Variants in ZFAND3 observed in about 807,000 individuals in gnomAD.
The protein encoded by ZFAND3 is zinc finger AN1-type containing 3, also known as AN1-type zinc finger protein 3.
ZFAND3 carries 10 observed loss-of-function variants against 29.6 expected under a neutral mutation model. The ratio of observed to expected loss-of-function variants is 0.34; its 90% CI spans 0.21 to 0.57. The LOEUF is 0.57. ZFAND3 is among the 20% of genes least tolerant of loss of function. The pLI, the probability that ZFAND3 is intolerant of heterozygous loss-of-function variation, is 0.86. For synonymous variants in ZFAND3, 128 were observed against 112.6 expected, an observed-to-expected ratio of 1.14 and a Z score of -0.87; for missense variants, 230 against 304.5, an observed-to-expected ratio of 0.76 and a Z score of 1.82.
chr6:37,951,260 C>A (rs1761993166), intron 2 of ZFAND3, among the ~76,000 whole-genome samples: 1 of 152,016 alleles, frequency 6.6e-6, no homozygotes, highest in Non-Finnish European at 1.5e-5. Context: ...TTTATCAGAT[C>A]TAGGAGCTTT....
chr6:38,018,364 A>G (rs1290264677), intron 2 of ZFAND3, among the ~76,000 whole-genome samples: 1 of 152,220 alleles, frequency 6.6e-6, no homozygotes, highest in African/African-American at 2.4e-5. Flanking sequence ...TTATCAGGTA[A>G]CGTTTTCCTC....
At chr6:38,052,128 CTTG>C (rs2127460380) in intron 2 of ZFAND3, among the ~76,000 whole-genome samples, 1 of 152,242 alleles carries the variant, frequency 6.6e-6, no homozygotes, top group East Asian at 1.9e-4. Flanking sequence ...CATATATTCT[CTTG>C]TTGCCTGTTT....
chr6:37,914,128 A>G (rs930249771), intron 1 of ZFAND3, among the ~76,000 whole-genome samples: 2 of 152,190 alleles, frequency 1.3e-5, no homozygotes, highest in Admixed American at 6.5e-5. Flanking sequence ...GCAGGCATGA[A>G]AACAGCATTC....
At chr6:37,977,219 A>C (rs1243913815) in intron 2 of ZFAND3, among the ~76,000 whole-genome samples, 1 of 152,208 alleles carries the variant, frequency 6.6e-6, no homozygotes, top group African/African-American at 2.4e-5. Context: ...TCTGTCATCG[A>C]CTGAAATGTT....
At chr6:37,950,110 C>G (rs1330284589) in intron 2 of ZFAND3, among the ~76,000 whole-genome samples, 1 of 152,186 alleles carries the variant, frequency 6.6e-6, no homozygotes, top group Non-Finnish European at 1.5e-5. Context: ...GATGTGCAGT[C>G]TGTTGATAAT....
chr6:37,920,052 C>CTTTTTTTTTTTTTTTTTTTTTTTTT (rs11389241), intron 1 of ZFAND3, among the ~76,000 whole-genome samples: 2 of 93,410 alleles, frequency 2.1e-5, no homozygotes, highest in African/African-American at 3.9e-5. Flanking sequence ...TTTTTTGAAG[C>CTTTTTTTTTTTTTTTTTTTTTTTTT]TTTTTTTTTT....
chr6:37,963,935 C>T lies in ZFAND3; in HGVS notation c.112+33936C>T, dbSNP rs185255684. On this transcript the variant is annotated intron_variant, in intron 2 of 5. Transcript: ENST00000287218. ...TATTCCCAACATCTCAATTATGAGT[C>T]TGTTATTTTACAAATCCTACTTTTC... Among the ~76,000 whole-genome samples the T allele has an allele frequency of 2.0e-5, 3 of 152,294 alleles. No individual in the cohort carries two copies. The East Asian group carries it at 5.8e-4, about 29-fold the overall frequency.
chr6:37,987,668 G>A (rs184553422), intron 2 of ZFAND3, among the ~76,000 whole-genome samples: 1 of 152,274 alleles, frequency 6.6e-6, no homozygotes, highest in Non-Finnish European at 1.5e-5. Context: ...TGTAAGCACT[G>A]CTGTTCTGCC....
intron 3 of ZFAND3, among the ~76,000 whole-genome samples, chr6:38,073,999 A>G (rs1561989566): frequency 6.6e-6 from 1 of 152,136 alleles, no homozygotes; most frequent in African/African-American, 2.4e-5. Context: ...CACTTAGTAC[A>G]TCAGTTGGTT....
intron 2 of ZFAND3, among the ~76,000 whole-genome samples, chr6:38,026,460 T>G: frequency 7.8e-6 from 1 of 128,588 alleles, no homozygotes; most frequent in African/African-American, 3.0e-5. Context: ...GACAAGAGTC[T>G]CACTCTGTCA....
chr6:37,871,802 G>A (rs1268206081), intron 1 of ZFAND3, among the ~76,000 whole-genome samples: 1 of 152,234 alleles, frequency 6.6e-6, no homozygotes, highest in Non-Finnish European at 1.5e-5. Flanking sequence ...AGACATTGTG[G>A]ACAATTTATT....
intron 2 of ZFAND3, among the ~76,000 whole-genome samples, chr6:38,021,686 C>T (rs916851841): frequency 6.6e-6 from 1 of 152,178 alleles, no homozygotes; most frequent in Non-Finnish European, 1.5e-5. Context: ...AGAGTTAATA[C>T]TTTTCCTCTT....
Position 38,152,344 on chromosome 6 carries a change from G to C in ZFAND3, c.639G>C (p.Arg213=). Residue 213 remains arginine (R), a synonymous_variant, in exon 6 of 6, where the codon CGG becomes CGC. Coordinates refer to ENST00000287218, the MANE Select transcript of ZFAND3 (RefSeq NM_021943.3). ...EAIMKMVKLD[R]KVGRSCQRIG... is the part of the protein sequence containing the mutation. Reference sequence around the variant, plus strand: ...TCATGAAAATGGTGAAGCTGGACCGGAAAGTGGGGCGCTCCTGCCAGCGCA... The same window carrying C: ...TCATGAAAATGGTGAAGCTGGACCGCAAAGTGGGGCGCTCCTGCCAGCGCA... 2 of 1,609,812 alleles carry C rather than the reference G, an allele frequency of 1.2e-6. No individual in the cohort carries two copies. Among genetic ancestry groups the C allele is most frequent in the Non-Finnish European group, 1.7e-6 (2 of 1,178,228 alleles).
chr6:38,138,803 G>T (rs1765893775), intron 5 of ZFAND3, among the ~76,000 whole-genome samples: 1 of 152,178 alleles, frequency 6.6e-6, no homozygotes, highest in Non-Finnish European at 1.5e-5. Flanking sequence ...AACTAACAGA[G>T]GTCAAGAAGA....
Position 38,037,216 on chromosome 6 carries a change from T to A in ZFAND3, c.113-24377T>A, listed in dbSNP as rs56348433. ...TTGTAAGGTATAATGAATGGGTAAG[T>A]ACACACAACGTAACATAACAGGCCA... On this transcript the variant is annotated intron_variant, in intron 2 of 5. Transcript: ENST00000287218. 1.2e-3 allele frequency among the ~76,000 whole-genome samples: 186 copies of A among 152,290 alleles called. 1 individual carries two copies. The highest frequency in any genetic ancestry group is 2.9e-3 in the South Asian group (14 of 4,834).
chr6:38,144,211 A>ATATATATAATATATATATATAT (rs70981524), intron 5 of ZFAND3, among the ~76,000 whole-genome samples: 39 of 45,838 alleles, frequency 8.5e-4, no homozygotes, highest in African/African-American at 4.8e-3. Context: ...ATATATATAT[A>ATATATATAATATATATATATAT]ATATATAATA....
intron 1 of ZFAND3, among the ~76,000 whole-genome samples, chr6:37,845,447 G>C (rs1280011751): frequency 6.6e-6 from 1 of 152,078 alleles, no homozygotes; most frequent in African/African-American, 2.4e-5. Flanking sequence ...AATGAAATTT[G>C]GTTAGGGGAA....
rs143054984 is a variant in ZFAND3 at position 38,030,800 on chromosome 6, G to A, written c.113-30793G>A. The stretch of plus-strand genomic sequence containing the variant: ...AAAAAAAAAGAAAAAAACTTCATGG[G>A]GGTAAGGGGATGCCAGACAAAGTGG... On this transcript the variant is annotated intron_variant, in intron 2 of 5. Transcript: ENST00000287218. 5.7e-3 allele frequency among the ~76,000 whole-genome samples: 861 copies of A among 152,278 alleles called. 9 individuals are homozygous for A. The highest frequency in any genetic ancestry group is 0.02 in the African/African-American group (821 of 41,552).
chr6:38,009,542 G>C (rs1330092554), intron 2 of ZFAND3, among the ~76,000 whole-genome samples: 1 of 152,280 alleles, frequency 6.6e-6, no homozygotes, highest in African/African-American at 2.4e-5. Context: ...GTCTACAAGA[G>C]CTTGCCAAAA....
Sources: gnomAD v4.1 joint callset for allele counts (sites outside exome capture counted in the v4.1 genomes callset) on GRCh38, gnomAD v4.1.1 for gene constraint, MANE v1.5 for transcripts, NCBI Gene and HGNC (gene_info 2026-07-23, HGNC 2026-07-21) for gene names.